Variants in EYS observed in about 807,000 individuals in gnomAD.
EYS encodes the protein EGF-like photoreceptor maintenance factor, also known as protein eyes shut homolog.
Under a neutral mutation model 282.1 loss-of-function variants are expected in EYS, and 250 were observed. The observed-to-expected ratio is 0.89, with a 90% confidence interval of 0.80 to 0.98. EYS has a LOEUF of 0.98. Ranked by LOEUF, EYS falls within the 50% of genes least tolerant of loss-of-function variation. EYS has a pLI of 0.00. For synonymous variants in EYS, 1,355 were observed against 1,282.9 expected (o/e 1.06, Z -1.20); for missense variants, 4,016 against 3,709.0 (o/e 1.08, Z -2.15).
intron 12 of EYS, among the ~76,000 whole-genome samples, chr6:65,286,748 C>T (rs1562073211): frequency 6.6e-6 from 1 of 151,612 alleles, no homozygotes; most frequent in African/African-American, 2.4e-5. Flanking sequence ...TGTAAATTCA[C>T]ATTAAAATTA....
rs71551553 is a variant in EYS, at chr6:64,000,168, C to CTTTTTTTTTTTTTTTTTTTT, written c.6726-1005_6726-986dup. Among the ~76,000 whole-genome samples the CTTTTTTTTTTTTTTTTTTTT allele has an allele frequency of 7.0e-5, 3 of 42,716 alleles. 1 individual carries two copies. Among genetic ancestry groups the CTTTTTTTTTTTTTTTTTTTT allele is most frequent in the African/African-American group, 8.8e-5 (1 of 11,382 alleles). 28.0% of individuals were successfully genotyped at this position (42,716 alleles called of 152,430 possible). A position where few individuals can be genotyped will look rare whatever the true frequency, so the allele number is the denominator to read the frequency against. On this transcript the variant is annotated intron_variant, in intron 33 of 42. Transcript: ENST00000503581. ...CTGAGGAGTTTCCCAAGACATGGGA[C>CTTTTTTTTTTTTTTTTTTTT]TTTTTTTTTTTTTTTTTTTTTTTTT...
intron 28 of EYS, among the ~76,000 whole-genome samples, chr6:64,394,319 G>A (rs142461053): frequency 0.037 from 5,573 of 152,034 alleles, 139 homozygotes; most frequent in Non-Finnish European, 0.059. Flanking sequence ...AGCCTGCATC[G>A]CCAAGTCAAT....
At position 64,306,868 on chromosome 6, in the gene EYS, G is replaced by A. The variant is rs751726584; in HGVS notation, c.6191+102C>T. 3.5e-5 allele frequency: 23 copies of A among 665,970 alleles called. No homozygotes were observed. In the Middle Eastern group the frequency reaches 1.2e-3, roughly 34 times the overall value. The allele number at this position is 665,970 out of a possible 1,614,324, so 41.3% of individuals were successfully genotyped here. A position where few individuals can be genotyped will look rare whatever the true frequency, so the allele number is the denominator to read the frequency against. The stretch of plus-strand genomic sequence containing the variant: ...GAATGTGAAGCAAAAACAAAGAAAC[G>A]AAATATAGTGCAGCCTTCATTAGAT... On this transcript the variant is annotated intron_variant, in intron 30 of 42. Coordinates refer to ENST00000503581, the MANE Select transcript of EYS (RefSeq NM_001142800.2).
At chr6:63,980,312 A>G (rs1767027916) in intron 35 of EYS, among the ~76,000 whole-genome samples, 1 of 151,728 alleles carries the variant, frequency 6.6e-6, no homozygotes, top group Non-Finnish European at 1.5e-5. Context: ...TAAGGTTCTC[A>G]TATACTCCAT....
chr6:64,433,375 T>C (rs1774634342), intron 28 of EYS, among the ~76,000 whole-genome samples: 1 of 152,086 alleles, frequency 6.6e-6, no homozygotes, highest in African/African-American at 2.4e-5. Context: ...TCATGAATTG[T>C]GTTCAACTCA....
intron 2 of EYS, among the ~76,000 whole-genome samples, chr6:65,580,720 A>G (rs940964479): frequency 6.6e-6 from 1 of 152,036 alleles, no homozygotes; most frequent in Non-Finnish European, 1.5e-5. Context: ...ATTGGATACA[A>G]TTTTAACCTT....
At chr6:63,747,190 T>G (rs1357320782) in intron 41 of EYS, among the ~76,000 whole-genome samples, 1 of 152,228 alleles carries the variant, frequency 6.6e-6, no homozygotes, top group Non-Finnish European at 1.5e-5. Flanking sequence ...ATTTCTGCCT[T>G]AATTTCATTA....
chr6:64,239,361 C>G (rs953402691), intron 30 of EYS, among the ~76,000 whole-genome samples: 1 of 152,164 alleles, frequency 6.6e-6, no homozygotes, highest in African/African-American at 2.4e-5. Flanking sequence ...CTAATTTACA[C>G]TCCTACCAAC....
chr6:63,782,039 T>A (rs995813336), intron 39 of EYS, among the ~76,000 whole-genome samples: 2 of 152,244 alleles, frequency 1.3e-5, no homozygotes, highest in African/African-American at 4.8e-5. Flanking sequence ...TCTGTTTATA[T>A]GATGGATTAC....
intron 29 of EYS, among the ~76,000 whole-genome samples, chr6:64,336,885 A>G (rs1290150400): frequency 6.6e-6 from 1 of 152,138 alleles, no homozygotes; most frequent in Admixed American, 6.6e-5. Flanking sequence ...CACTGGGTCA[A>G]AAACGAAGAC....
chr6:65,197,173 G>A (rs1297105937), intron 12 of EYS, among the ~76,000 whole-genome samples: 1 of 152,002 alleles, frequency 6.6e-6, no homozygotes, highest in Non-Finnish European at 1.5e-5. Flanking sequence ...CTCCTTTCAT[G>A]GAGTTTACTC....
In EYS at chr6:64,374,592, C is replaced by A. The variant is rs1772505035; in HGVS notation, c.6078+14098G>T. On this transcript the variant is annotated intron_variant, in intron 29 of 42. Transcript: ENST00000503581. ...GGGTGCCCAGCTTTGCTCTTCTCTG[C>A]TTCTTGTGTTCCCCTTCTGCTTTAA... is the stretch of plus-strand genomic sequence containing the variant. Among the ~76,000 whole-genome samples, 4 of 152,194 alleles carry A rather than the reference C, an allele frequency of 2.6e-5. No homozygotes were observed. The South Asian group carries it at 8.3e-4, about 32-fold the overall frequency.
chr6:63,737,617 A>T (rs1294567905), intron 41 of EYS, among the ~76,000 whole-genome samples: 1 of 152,168 alleles, frequency 6.6e-6, no homozygotes, highest in African/African-American at 2.4e-5. Context: ...TGGGTTAGGG[A>T]GGATTCCCTC....
intron 30 of EYS, among the ~76,000 whole-genome samples, chr6:64,242,491 T>C (rs1365778559): frequency 1.3e-5 from 2 of 152,142 alleles, no homozygotes; most frequent in African/African-American, 2.4e-5. Flanking sequence ...AACAGTTTTA[T>C]GTTCATATTT....
At chr6:64,735,376 C>T (rs1772153775) in intron 22 of EYS, among the ~76,000 whole-genome samples, 1 of 152,204 alleles carries the variant, frequency 6.6e-6, no homozygotes, top group Non-Finnish European at 1.5e-5. Flanking sequence ...AACCACCGTG[C>T]CCGGCCAGTT....
At chr6:64,552,861 G>A (rs955172448) in intron 26 of EYS, among the ~76,000 whole-genome samples, 1 of 151,868 alleles carries the variant, frequency 6.6e-6, no homozygotes, top group Non-Finnish European at 1.5e-5. Flanking sequence ...AGAGGTTGCT[G>A]TGAGCAGAGA....
intron 30 of EYS, among the ~76,000 whole-genome samples, chr6:64,295,018 A>T (rs568100098): frequency 1.3e-5 from 2 of 152,178 alleles, no homozygotes; most frequent in East Asian, 3.9e-4. Context: ...TACATGAAAG[A>T]ATAACTAATA....
chr6:64,548,600 T>C (rs1764959723), intron 26 of EYS, among the ~76,000 whole-genome samples: 1 of 152,030 alleles, frequency 6.6e-6, no homozygotes, highest in Non-Finnish European at 1.5e-5. Flanking sequence ...ACACCGCATG[T>C]TCTCACTCAT....
At chr6:63,845,895 A>T (rs1772086449) in intron 36 of EYS, among the ~76,000 whole-genome samples, 1 of 152,186 alleles carries the variant, frequency 6.6e-6, no homozygotes, top group Non-Finnish European at 1.5e-5. Flanking sequence ...AATATGTGGG[A>T]GAAATAGCTG....
Sources: allele counts gnomAD v4.1 joint callset (sites outside exome capture counted in the v4.1 genomes callset), GRCh38; gene constraint gnomAD v4.1.1; transcripts MANE v1.5; gene names NCBI Gene and HGNC (gene_info 2026-07-23, HGNC 2026-07-21).